TTBK2: variants seen among roughly 807,000 people sequenced by gnomAD.
TTBK2 encodes tau-tubulin kinase 2.
A neutral mutation model predicts 110.8 loss-of-function variants in TTBK2; 28 were observed. The ratio of observed to expected loss-of-function variants is 0.25; its 90% confidence interval spans 0.19 to 0.35. The LOEUF is 0.35. Among genes scored for constraint, TTBK2 ranks in the 10% least tolerant of loss-of-function variants. The probability of loss-of-function intolerance (pLI) is 1.00; values close to 1 mark genes in which losing one functional copy is unlikely to be tolerated. For synonymous variants in TTBK2, 532 were observed against 527.3 expected, an observed-to-expected ratio of 1.01 and a Z score of -0.12; for missense variants, 1,369 against 1,500.3, an observed-to-expected ratio of 0.91 and a Z score of 1.45.
intron 1 of TTBK2, among the ~76,000 whole-genome samples, chr15:42,907,477 T>A (rs932472068): frequency 1.3e-5 from 2 of 152,180 alleles, no homozygotes; most frequent in African/African-American, 4.8e-5. Flanking sequence ...ACACTGTGTA[T>A]ACACATTCAA....
In TTBK2 at chr15:42,885,832, C is replaced by T. The variant is rs1477204733; in HGVS notation, c.-67-7148G>A. On this transcript the variant is annotated intron_variant, in intron 1 of 14. Transcript: ENST00000267890. ...CTCCCTTAGCCTGTGTTCTCAAGAA[C>T]TTAAAACCTCTTCAACTCTCGCCTG... is the stretch of plus-strand genomic sequence containing the variant. Among the ~76,000 whole-genome samples the T allele has an allele frequency of 2.6e-5, 4 of 152,274 alleles. No homozygotes were observed. The East Asian group carries it at 7.7e-4, about 29-fold the overall frequency.
intron 3 of TTBK2, among the ~76,000 whole-genome samples, chr15:42,867,256 AAAAAGAAAAG>A (rs1221538351): frequency 5.9e-5 from 9 of 151,324 alleles, no homozygotes; most frequent in South Asian, 2.1e-4. Context: ...AAAAAAAAAA[AAAAAGAAAAG>A]AAAAGAAAAG....
chr15:42,912,546 T>C (rs1464566310), intron 1 of TTBK2, among the ~76,000 whole-genome samples: 4 of 151,910 alleles, frequency 2.6e-5, no homozygotes, highest in Non-Finnish European at 5.9e-5. Context: ...CCATCTCTAC[T>C]AAAAATGCAA....
chr15:42,823,057 C>A (rs1188041468), intron 6 of TTBK2, among the ~76,000 whole-genome samples: 1 of 152,144 alleles, frequency 6.6e-6, no homozygotes, highest in Non-Finnish European at 1.5e-5. Context: ...AAGAAAATAT[C>A]TCAAATTCAG....
chr15:42,909,060 T>G (rs551807157), intron 1 of TTBK2, among the ~76,000 whole-genome samples: 1 of 152,206 alleles, frequency 6.6e-6, no homozygotes, highest in Non-Finnish European at 1.5e-5. Flanking sequence ...TAGGGAGAAT[T>G]TATTTCCTTA....
chr15:42,880,085 T>C (rs1480539974), intron 1 of TTBK2, among the ~76,000 whole-genome samples: 2 of 151,888 alleles, frequency 1.3e-5, no homozygotes, highest in Non-Finnish European at 2.9e-5. Flanking sequence ...TCTCGTGGTA[T>C]AGTTTTGATT....
intron 3 of TTBK2, among the ~76,000 whole-genome samples, chr15:42,841,898 T>C (rs1893236425): frequency 6.6e-6 from 1 of 152,150 alleles, no homozygotes; most frequent in African/African-American, 2.4e-5. Context: ...GTGAATTCAG[T>C]AGACATTGTA....
chr15:42,915,778 C>G (rs2031048037), intron 1 of TTBK2, among the ~76,000 whole-genome samples: 1 of 152,068 alleles, frequency 6.6e-6, no homozygotes, highest in Non-Finnish European at 1.5e-5. Context: ...GGGACCCCAC[C>G]TATACAAAAA....
intron 6 of TTBK2, among the ~76,000 whole-genome samples, chr15:42,821,435 T>G (rs1361925545): frequency 6.6e-6 from 1 of 152,230 alleles, no homozygotes; most frequent in African/African-American, 2.4e-5. Context: ...ACAGTAAAAT[T>G]CATACTTTAT....
chr15:42,868,133 G>A (rs1422515701), intron 3 of TTBK2, among the ~76,000 whole-genome samples: 3 of 152,190 alleles, frequency 2.0e-5, no homozygotes, highest in Non-Finnish European at 4.4e-5. Context: ...CAGGGAAACA[G>A]TGCACAGAGG....
chr15:42,799,219 A>G (rs1393653337), intron 9 of TTBK2, among the ~76,000 whole-genome samples: 1 of 151,838 alleles, frequency 6.6e-6, no homozygotes, highest in African/African-American at 2.4e-5. Context: ...AATATGAAAA[A>G]ATTAGCCAGG....
chr15:42,745,301 C>A lies in TTBK2; in HGVS notation c.*494G>T. On this transcript the variant is annotated 3_prime_UTR_variant, in exon 15 of 15. Coordinates refer to ENST00000267890, the MANE Select transcript of TTBK2 (RefSeq NM_173500.4). ...TCAATACACGAAATAAACACACAAG[C>A]CAAATATACATGAATACTGGCTCCC... The A allele has an allele frequency of 5.6e-6, 1 of 179,756 alleles. No homozygotes were observed. Among genetic ancestry groups the A allele is most frequent in the Non-Finnish European group, 1.2e-5 (1 of 83,872 alleles). The allele number at this position is 179,756 out of a possible 1,614,324, so 11.1% of individuals were successfully genotyped here.
intron 13 of TTBK2, among the ~76,000 whole-genome samples, chr15:42,769,809 T>C (rs1003932898): frequency 2.6e-5 from 4 of 152,172 alleles, no homozygotes; most frequent in Admixed American, 6.5e-5. Flanking sequence ...CACATGTACA[T>C]GTATGTTTAT....
chr15:42,751,955 G>A lies in TTBK2; in HGVS notation c.3272+19C>T, dbSNP rs1394322731. On this transcript the variant is annotated intron_variant, in intron 14 of 14. Coordinates refer to ENST00000267890, the MANE Select transcript of TTBK2 (RefSeq NM_173500.4). ...AAATGGTGTTACACACTTAACACAG[G>A]GAGAGCACACAGCATTACCTGGCTT... The A allele has an allele frequency of 2.5e-6, 4 of 1,614,000 alleles. No homozygotes were observed. Among genetic ancestry groups the A allele is most frequent in the Non-Finnish European group, 3.4e-6 (4 of 1,179,960 alleles).
intron 1 of TTBK2, among the ~76,000 whole-genome samples, chr15:42,885,073 A>C (rs915412131): frequency 1.3e-5 from 2 of 151,866 alleles, no homozygotes; most frequent in Admixed American, 6.6e-5. Context: ...TAATCCCACC[A>C]CCCTTGCTGA....
At chr15:42,805,392 C>CA (rs1891417982) in intron 9 of TTBK2, among the ~76,000 whole-genome samples, 1 of 152,102 alleles carries the variant, frequency 6.6e-6, no homozygotes, top group African/African-American at 2.4e-5. Context: ...TTGAAGGAAT[C>CA]AGAGGAGGCT....
intron 3 of TTBK2, among the ~76,000 whole-genome samples, chr15:42,851,757 T>C (rs757528521): frequency 6.6e-6 from 1 of 152,138 alleles, no homozygotes; most frequent in African/African-American, 2.4e-5. Context: ...ATAGAACATT[T>C]CTGGAAGATA....
chr15:42,900,975 A>C (rs1457819770), intron 1 of TTBK2, among the ~76,000 whole-genome samples: 3 of 152,162 alleles, frequency 2.0e-5, no homozygotes, highest in African/African-American at 7.2e-5. Flanking sequence ...TCCACATGTA[A>C]AAGAAAAAAG....
Position 42,859,131 on chromosome 15 carries a change from GT to G in TTBK2, c.217+13479del, listed in dbSNP as rs527497183. ...TAATTTTTGTATTTTATCAGGCAGGGTGTTACTCTGTTGCCCAGGCTGGAGT... is the reference window on the plus strand; with the variant it reads ...TAATTTTTGTATTTTATCAGGCAGGGGTTACTCTGTTGCCCAGGCTGGAGT... On this transcript the variant is annotated intron_variant, in intron 3 of 14. Transcript: ENST00000267890. Among the ~76,000 whole-genome samples the G allele has an allele frequency of 3.1e-3, 467 of 152,006 alleles. 2 individuals are homozygous for G. Among genetic ancestry groups the G allele is most frequent in the African/African-American group, 0.011 (438 of 41,452 alleles).
Sources: gnomAD v4.1 joint callset for allele counts (sites outside exome capture counted in the v4.1 genomes callset) on GRCh38, gnomAD v4.1.1 for gene constraint, MANE v1.5 for transcripts, NCBI Gene and HGNC (gene_info 2026-07-23, HGNC 2026-07-21) for gene names.